DAB1: variants seen among roughly 807,000 people sequenced by gnomAD.
The protein encoded by DAB1 is DAB adaptor protein 1, also known as disabled homolog 1.
DAB1 carries 15 observed loss-of-function variants against 64.6 expected under a neutral mutation model. That is an observed-to-expected ratio of 0.23 (90% confidence interval 0.16 to 0.36). DAB1 has a LOEUF of 0.36. Ranked by LOEUF, DAB1 falls within the 10% of genes least tolerant of loss-of-function variation. DAB1 has a pLI of 1.00. For missense variants in DAB1, 596 were observed against 706.7 expected, an observed-to-expected ratio of 0.84 and a Z score of 1.78; for synonymous variants, 235 against 251.9, an observed-to-expected ratio of 0.93 and a Z score of 0.64.
At chr1:57,255,721 T>C (rs542345761) in intron 2 of DAB1, among the ~76,000 whole-genome samples, 1 of 151,950 alleles carries the variant, frequency 6.6e-6, no homozygotes, top group Non-Finnish European at 1.5e-5. Context: ...TCTTACGGAG[T>C]CTACAGACTA....
intron 5 of DAB1, among the ~76,000 whole-genome samples, chr1:57,920,929 A>T (rs1208051788): frequency 6.7e-6 from 1 of 150,116 alleles, no homozygotes; most frequent in African/African-American, 2.5e-5. Flanking sequence ...TGAGCCACAA[A>T]TTCTACTTCT....
intron 1 of DAB1, among the ~76,000 whole-genome samples, chr1:57,292,574 G>A (rs560366524): frequency 1.2e-4 from 18 of 152,204 alleles, no homozygotes; most frequent in African/African-American, 3.4e-4. Flanking sequence ...CTAAGACAAC[G>A]TTCAATGGGA....
intron 7 of DAB1, among the ~76,000 whole-genome samples, chr1:57,572,528 T>C (rs1270754811): frequency 6.6e-6 from 1 of 152,170 alleles, no homozygotes; most frequent in Non-Finnish European, 1.5e-5. Context: ...AGTTTTCCCA[T>C]CTATAACATG....
chr1:58,244,429 A>G (rs1399369969), intron 4 of DAB1, among the ~76,000 whole-genome samples: 1 of 152,196 alleles, frequency 6.6e-6, no homozygotes, highest in Non-Finnish European at 1.5e-5. Flanking sequence ...TGGAATGTGA[A>G]TATGAAATGA....
At chr1:58,043,211 T>C (rs950104274) in intron 5 of DAB1, among the ~76,000 whole-genome samples, 1 of 152,236 alleles carries the variant, frequency 6.6e-6, no homozygotes, top group Non-Finnish European at 1.5e-5. Context: ...TTTGAGCCGA[T>C]CTTGTTAGTG....
At chr1:57,060,674 G>A (rs555801547) in intron 9 of DAB1, among the ~76,000 whole-genome samples, 10 of 152,260 alleles carry the variant, frequency 6.6e-5, no homozygotes, top group South Asian at 2.1e-4. Context: ...AAAGCTTGAA[G>A]TAAAGTTGGA....
chr1:57,239,650 T>C (rs926573466), intron 2 of DAB1, among the ~76,000 whole-genome samples: 1 of 152,220 alleles, frequency 6.6e-6, no homozygotes, highest in Non-Finnish European at 1.5e-5. Flanking sequence ...TCACCTGTTC[T>C]GTTTTCCCTG....
Position 57,439,418 on chromosome 1 carries a change from G to GTTTTTTTTGTTTGTTTTTTTTTGTTT in DAB1, n.626-148253_626-148252insAAACAAAAAAAAACAAACAAAAAAAA. Among the ~76,000 whole-genome samples the GTTTTTTTTGTTTGTTTTTTTTTGTTT allele has an allele frequency of 6.0e-5, 7 of 116,170 alleles. No individual in the cohort carries two copies. The South Asian group carries it at 2.3e-3, about 38-fold the overall frequency. 76.2% of individuals were successfully genotyped at this position (116,170 alleles called of 152,430 possible). On this transcript the variant is annotated intron_variant and non_coding_transcript_variant, in intron 7 of 20. Coordinates refer to the DAB1 transcript ENST00000485760. ...GCCATGCCATCAACTTGGTGATGAG[G>GTTTTTTTTGTTTGTTTTTTTTTGTTT]TTTTTTCTTTTTTTTTTTTTTTTTT...
chr1:57,831,656 G>T (rs1389089894), intron 1 of DAB1, among the ~76,000 whole-genome samples: 1 of 148,796 alleles, frequency 6.7e-6, no homozygotes, highest in Non-Finnish European at 1.5e-5. Context: ...GATCCTCCCA[G>T]CTCAGCTTCC....
chr1:58,325,425 T>G (rs1662798542), intron 4 of DAB1, among the ~76,000 whole-genome samples: 1 of 152,248 alleles, frequency 6.6e-6, no homozygotes, highest in Non-Finnish European at 1.5e-5. Flanking sequence ...CAGGGGTTCC[T>G]CATCTTTAAG....
intron 4 of DAB1, among the ~76,000 whole-genome samples, chr1:57,108,692 T>C (rs1343346277): frequency 6.6e-6 from 1 of 152,166 alleles, no homozygotes; most frequent in African/African-American, 2.4e-5. Context: ...GAGTGGACTG[T>C]GGAGTGAGAT....
rs552605244 is a variant in DAB1, at chr1:57,658,742, AT to A, written n.552-9078del. On this transcript the variant is annotated intron_variant and non_coding_transcript_variant, in intron 6 of 20. Transcript: ENST00000485760. The stretch of plus-strand genomic sequence containing the variant: ...CACGCCCAGCTAATTTTCTTTCTGT[AT>A]TTTTTTAGTAGAGATGAGGTTTTGC... Among the ~76,000 whole-genome samples, 847 of 151,856 alleles carry A rather than the reference AT, an allele frequency of 5.6e-3. 9 individuals carry two copies. Among genetic ancestry groups the A allele is most frequent in the African/African-American group, 0.019 (785 of 41,424 alleles).
intron 2 of DAB1, among the ~76,000 whole-genome samples, chr1:57,222,682 A>G (rs1666971836): frequency 6.6e-6 from 1 of 152,172 alleles, no homozygotes; most frequent in South Asian, 2.1e-4. Context: ...AGGTTCACAT[A>G]CTGTCTTTCT....
At chr1:57,444,506 G>A (rs1050542371) in intron 7 of DAB1, among the ~76,000 whole-genome samples, 1 of 152,064 alleles carries the variant, frequency 6.6e-6, no homozygotes, top group African/African-American at 2.4e-5. Context: ...CTAATCCCTG[G>A]AATCAGTGAC....
At chr1:57,712,847 G>A (rs1647042713) in intron 6 of DAB1, among the ~76,000 whole-genome samples, 1 of 152,132 alleles carries the variant, frequency 6.6e-6, no homozygotes, top group Non-Finnish European at 1.5e-5. Flanking sequence ...GGTATTTTAA[G>A]TTATACTCCA....
chr1:58,060,817 C>T (rs1259580407), intron 5 of DAB1, among the ~76,000 whole-genome samples: 1 of 152,222 alleles, frequency 6.6e-6, no homozygotes. Flanking sequence ...TCCATGATTA[C>T]CTTTGCTCAC....
At chr1:57,074,710 C>T (rs1257321439) in intron 4 of DAB1, among the ~76,000 whole-genome samples, 1 of 152,198 alleles carries the variant, frequency 6.6e-6, no homozygotes. Flanking sequence ...CACTGGATAT[C>T]ATGCTTAAAT....
chr1:58,434,748 C>T (rs1438641840), intron 3 of DAB1, among the ~76,000 whole-genome samples: 1 of 152,196 alleles, frequency 6.6e-6, no homozygotes, highest in Non-Finnish European at 1.5e-5. Context: ...GTTGCTTTGA[C>T]ACCCCAAAGA....
At chr1:57,241,599 T>C (rs1002883334) in intron 2 of DAB1, among the ~76,000 whole-genome samples, 1 of 152,214 alleles carries the variant, frequency 6.6e-6, no homozygotes, top group African/African-American at 2.4e-5. Flanking sequence ...TTGGTCAGCA[T>C]ATATCACTGT....
Sources: allele counts gnomAD v4.1 joint callset (sites outside exome capture counted in the v4.1 genomes callset), GRCh38; gene constraint gnomAD v4.1.1; transcripts MANE v1.5; gene names NCBI Gene and HGNC (gene_info 2026-07-23, HGNC 2026-07-21).